The following CPVL variants were observed in gnomAD, a reference collection of about 807,000 sequenced individuals.
CPVL encodes the protein carboxypeptidase vitellogenic like.
A neutral mutation model predicts 63.7 loss-of-function variants in CPVL; 51 were observed. That is an observed-to-expected ratio of 0.80 (90% CI 0.64 to 1.01). The LOEUF is 1.01. Ranked by LOEUF, CPVL falls within the 50% of genes least tolerant of loss-of-function variation. The pLI, the probability that CPVL is intolerant of heterozygous loss-of-function variation, is 0.00. For synonymous variants in CPVL, 195 were observed against 206.0 expected (o/e 0.95, Z 0.46); for missense variants, 530 against 573.1 (o/e 0.92, Z 0.77).
chr7:28,997,071 G>A (rs746883659), intron 12 of CPVL, among the ~76,000 whole-genome samples: 17 of 152,288 alleles, frequency 1.1e-4, no homozygotes, highest in East Asian at 5.8e-4. Flanking sequence ...CTCTGTACTC[G>A]TTAAGCCTCT....
At chr7:29,078,017 C>G (rs1784384190) in intron 7 of CPVL, among the ~76,000 whole-genome samples, 1 of 152,156 alleles carries the variant, frequency 6.6e-6, no homozygotes, top group Admixed American at 6.5e-5. Context: ...ATGAGGAAAG[C>G]TGGAATTTCA....
chr7:29,091,639 A>G lies in CPVL; in HGVS notation c.542+984T>C, dbSNP rs1001718599. ...TGGGGCCCTGGGCATCCCCCTAGAA[A>G]CTGAATAGAAGTGATCGAATCATGG... is the stretch of plus-strand genomic sequence containing the variant. On this transcript the variant is annotated intron_variant, in intron 6 of 12. Coordinates refer to ENST00000265394, the MANE Select transcript of CPVL (RefSeq NM_031311.5). Among the ~76,000 whole-genome samples the G allele has an allele frequency of 5.3e-5, 8 of 152,218 alleles. No homozygotes were observed. In the East Asian group the frequency reaches 1.2e-3, roughly 22 times the overall value.
intron 1 of CPVL, among the ~76,000 whole-genome samples, chr7:29,136,413 G>A (rs2128664552): frequency 6.6e-6 from 1 of 152,266 alleles, no homozygotes; most frequent in East Asian, 1.9e-4. Flanking sequence ...ATATTGATTT[G>A]GCAAAAGAGA....
At chr7:29,045,030 G>A (rs1236205309) in intron 11 of CPVL, among the ~76,000 whole-genome samples, 1 of 152,102 alleles carries the variant, frequency 6.6e-6, no homozygotes, top group African/African-American at 2.4e-5. Context: ...CATGATGGTG[G>A]TGTGCACCAA....
Position 29,067,844 on chromosome 7 carries a change from A to C in CPVL, c.865-1723T>G, listed in dbSNP as rs925535664. On this transcript the variant is annotated intron_variant, in intron 9 of 12. Transcript: ENST00000265394. Reference sequence around the variant, plus strand: ...GCAACTTGCCGAGGACACCTCACTAATAATGTCAGAGATGAGATGATTAGG... The same window carrying C: ...GCAACTTGCCGAGGACACCTCACTACTAATGTCAGAGATGAGATGATTAGG... Among the ~76,000 whole-genome samples, 9 of 152,218 alleles carry C rather than the reference A, an allele frequency of 5.9e-5. 1 individual carries two copies. The highest frequency in any genetic ancestry group is 3.4e-3 in the Middle Eastern group (1 of 294).
At chr7:29,150,640 A>G (rs1793461773), upstream of CPVL, among the ~76,000 whole-genome samples, 1 of 152,226 alleles carries the variant, frequency 6.6e-6, no homozygotes. Context: ...TGCTGCCAGC[A>G]AGATAAATGT....
chr7:29,130,492 G>C (rs982468274), intron 1 of CPVL, among the ~76,000 whole-genome samples: 4 of 152,140 alleles, frequency 2.6e-5, no homozygotes, highest in Non-Finnish European at 4.4e-5. Flanking sequence ...GGGCTCCCTT[G>C]TTACAGAACA....
At chr7:29,147,976 C>G (rs923626926), upstream of CPVL, among the ~76,000 whole-genome samples, 1 of 152,272 alleles carries the variant, frequency 6.6e-6, no homozygotes, top group East Asian at 1.9e-4. Flanking sequence ...TTGCAGCCAC[C>G]TCCTCTCTTC....
At chr7:29,146,947 C>T, upstream of CPVL, 1 of 1,551,084 alleles carries the variant, frequency 6.4e-7, no homozygotes, top group Non-Finnish European at 8.7e-7. Context: ...GTCTACATTC[C>T]AGCTGCACTA....
intron 1 of CPVL, chr7:29,122,663 A>G (rs1404084645): frequency 7.7e-6 from 1 of 129,246 alleles, no homozygotes; most frequent in Non-Finnish European, 1.7e-5. Flanking sequence ...CTTGAATCAA[A>G]AGAGTGTCTC....
intron 1 of CPVL, among the ~76,000 whole-genome samples, chr7:29,134,855 C>T (rs913840203): frequency 1.3e-5 from 2 of 152,034 alleles, no homozygotes; most frequent in African/African-American, 2.4e-5. Context: ...ATCCCAGAAC[C>T]TTGGGAGACC....
At chr7:29,069,666 G>A (rs1783523510) in intron 9 of CPVL, among the ~76,000 whole-genome samples, 1 of 152,080 alleles carries the variant, frequency 6.6e-6, no homozygotes, top group Admixed American at 6.5e-5. Context: ...TGGTGGAAAT[G>A]GGGGAAGCAA....
chr7:29,009,681 A>G (rs926282082), intron 12 of CPVL: 2 of 152,242 alleles, frequency 1.3e-5, no homozygotes, highest in African/African-American at 4.8e-5. Context: ...ATTAAACATG[A>G]AAAGTAAAAT....
intron 2 of CPVL, among the ~76,000 whole-genome samples, chr7:29,119,667 G>A (rs1016169594): frequency 2.6e-5 from 4 of 152,120 alleles, no homozygotes; most frequent in East Asian, 3.9e-4. Flanking sequence ...AGATTTTCAC[G>A]TGCCTTATCT....
At chr7:29,175,564 C>G (rs1272668186) in intron 5 of CPVL, among the ~76,000 whole-genome samples, 2 of 152,120 alleles carry the variant, frequency 1.3e-5, no homozygotes, top group Non-Finnish European at 2.9e-5. Context: ...CCTTGCTCTT[C>G]CACCATGATT....
chr7:29,063,190 C>T (rs1333017348), intron 11 of CPVL, among the ~76,000 whole-genome samples: 1 of 152,202 alleles, frequency 6.6e-6, no homozygotes. Flanking sequence ...GGCACCTCCA[C>T]TGGCAGCAAA....
At chr7:29,142,302 T>A (rs893816878) in intron 1 of CPVL, among the ~76,000 whole-genome samples, 24 of 152,316 alleles carry the variant, frequency 1.6e-4, no homozygotes, top group Admixed American at 1.6e-3. Flanking sequence ...CAAGATCTTA[T>A]CCTTTTTTCT....
At chr7:29,006,843 G>A (rs189295827) in intron 12 of CPVL, among the ~76,000 whole-genome samples, 26 of 152,278 alleles carry the variant, frequency 1.7e-4, no homozygotes, top group African/African-American at 4.3e-4. Context: ...AATTGACAAC[G>A]TAGCACTATC....
chr7:29,118,248 T>G (rs1296291375), intron 2 of CPVL, among the ~76,000 whole-genome samples: 1 of 152,256 alleles, frequency 6.6e-6, no homozygotes, highest in Non-Finnish European at 1.5e-5. Context: ...TTTCCTCATA[T>G]GTGGATTGGT....
Sources: allele counts gnomAD v4.1 joint callset (sites outside exome capture counted in the v4.1 genomes callset), GRCh38; gene constraint gnomAD v4.1.1; transcripts MANE v1.5; gene names NCBI Gene and HGNC (gene_info 2026-07-23, HGNC 2026-07-21).